ALK: variants seen among roughly 807,000 people sequenced by gnomAD.
ALK encodes the protein ALK tyrosine kinase receptor.
In ALK, 74 loss-of-function variants were observed where a neutral mutation model predicts 163.1. The ratio of observed to expected loss-of-function variants is 0.45; its 90% CI spans 0.38 to 0.55. The LOEUF (loss-of-function observed/expected upper bound fraction) is 0.55, where lower values mean the gene tolerates loss of function less well. Among genes scored for constraint, ALK ranks in the 20% least tolerant of loss-of-function variants. ALK has a pLI of 0.00. For synonymous variants in ALK, 960 were observed against 843.2 expected, an observed-to-expected ratio of 1.14 and a Z score of -2.40; for missense variants, 2,063 against 2,105.3, an observed-to-expected ratio of 0.98 and a Z score of 0.39.
rs2148443625 is a variant in ALK, at chr2:29,920,408, C to G, written c.252G>C (p.Arg84Ser). 6.3e-7 allele frequency: 1 copy of G among 1,585,054 alleles called. No individual in the cohort carries two copies. The highest frequency in any genetic ancestry group is 8.6e-7 in the Non-Finnish European group (1 of 1,166,262). Residue 84 changes from arginine to serine, a missense_variant, in exon 1 of 29, where the codon AGG becomes AGC. By Grantham distance (110) the Arg-to-Ser change is moderately radical. This residue lies in a region of ALK where 987 missense variants were observed against 939.5 expected (regional missense o/e 1.05). Transcript: ENST00000389048. ...PPSSSELKAG[R>S]PEARGSLALD... ...GAGCTAGCGAGCCGCGGGCCTCGGG[C>G]CTGCCAGCCTTCAGCTCCGAGGAGG...
At chr2:29,517,207 G>T (rs1222862336) in intron 4 of ALK, among the ~76,000 whole-genome samples, 1 of 152,108 alleles carries the variant, frequency 6.6e-6, no homozygotes, top group Admixed American at 6.6e-5. Context: ...AGGTTTAGGG[G>T]CAGCACAGAG....
At chr2:29,431,054 A>G (rs1448103221) in intron 4 of ALK, among the ~76,000 whole-genome samples, 3 of 151,772 alleles carry the variant, frequency 2.0e-5, no homozygotes, top group African/African-American at 7.3e-5. Flanking sequence ...TTAGAAACAT[A>G]ATCACTTCCA....
chr2:29,216,310 C>G (rs1158570898), intron 23 of ALK, among the ~76,000 whole-genome samples: 1 of 152,136 alleles, frequency 6.6e-6, no homozygotes, highest in Non-Finnish European at 1.5e-5. Flanking sequence ...GGAGCATGCT[C>G]TCTGTCCCTA....
At chr2:29,416,740 T>A (rs1669887762) in intron 4 of ALK, among the ~76,000 whole-genome samples, 1 of 152,158 alleles carries the variant, frequency 6.6e-6, no homozygotes, top group Non-Finnish European at 1.5e-5. Context: ...ACTACAGTAG[T>A]CAGAGGGATA....
chr2:29,799,723 A>G (rs951101644), intron 1 of ALK, among the ~76,000 whole-genome samples: 8 of 152,216 alleles, frequency 5.3e-5, no homozygotes, highest in Non-Finnish European at 1.2e-4. Flanking sequence ...ACAATATTTT[A>G]AGAGAGAGAA....
intron 4 of ALK, among the ~76,000 whole-genome samples, chr2:29,431,562 G>A (rs761102644): frequency 3.3e-5 from 5 of 152,106 alleles, no homozygotes; most frequent in South Asian, 4.2e-4. Flanking sequence ...TATGCAAACC[G>A]CCTGCTTGTC....
intron 8 of ALK, among the ~76,000 whole-genome samples, chr2:29,299,170 C>T (rs1450165091): frequency 6.6e-6 from 1 of 152,170 alleles, no homozygotes; most frequent in Admixed American, 6.5e-5. Context: ...TCCTTTATAA[C>T]TCTTTGAACT....
At chr2:29,740,577 G>A (rs917911791) in intron 1 of ALK, among the ~76,000 whole-genome samples, 2 of 152,218 alleles carry the variant, frequency 1.3e-5, no homozygotes, top group African/African-American at 4.8e-5. Flanking sequence ...ATTCTGAATG[G>A]TTATGAATAG....
chr2:29,576,037 C>A (rs574443298), intron 3 of ALK, among the ~76,000 whole-genome samples: 2 of 152,270 alleles, frequency 1.3e-5, no homozygotes, highest in East Asian at 1.9e-4. Context: ...TAAGGAAGAA[C>A]CTGCAAGAGC....
chr2:29,251,873 C>G (rs1664823849), intron 11 of ALK, among the ~76,000 whole-genome samples: 2 of 152,178 alleles, frequency 1.3e-5, no homozygotes, highest in African/African-American at 4.8e-5. Context: ...GAGCAGGAAG[C>G]CCTGCACTCC....
chr2:29,749,762 T>A (rs1007967948), intron 1 of ALK, among the ~76,000 whole-genome samples: 1 of 152,190 alleles, frequency 6.6e-6, no homozygotes, highest in African/African-American at 2.4e-5. Context: ...GAACAGCTTA[T>A]CTATAATATA....
chr2:29,632,594 T>C (rs911380733), intron 3 of ALK, among the ~76,000 whole-genome samples: 2 of 152,204 alleles, frequency 1.3e-5, no homozygotes, highest in African/African-American at 4.8e-5. Flanking sequence ...CATGTGAAGA[T>C]GCAGTGAGAA....
intron 3 of ALK, among the ~76,000 whole-genome samples, chr2:29,636,765 T>C (rs1242637546): frequency 2.0e-5 from 3 of 152,140 alleles, no homozygotes; most frequent in Admixed American, 2.0e-4. Context: ...AATATTCAAA[T>C]TAGAAAACAG....
chr2:29,767,278 C>G (rs574143943), intron 1 of ALK, among the ~76,000 whole-genome samples: 158 of 152,298 alleles, frequency 1.0e-3, no homozygotes, highest in African/African-American at 3.5e-3. Flanking sequence ...CAATACCTTC[C>G]TAATGTTTAC....
At chr2:29,453,958 C>T (rs1670885881) in intron 4 of ALK, among the ~76,000 whole-genome samples, 1 of 152,144 alleles carries the variant, frequency 6.6e-6, no homozygotes, top group African/African-American at 2.4e-5. Context: ...TAGTTAATAA[C>T]TTGGATTAAA....
intron 4 of ALK, among the ~76,000 whole-genome samples, chr2:29,446,616 G>A (rs1670690754): frequency 6.6e-6 from 1 of 152,158 alleles, no homozygotes; most frequent in Non-Finnish European, 1.5e-5. Context: ...CCACTGCCAA[G>A]ATCTCCAAGC....
In ALK at chr2:29,228,922, C is replaced by CCG; in HGVS notation, c.2776_2777insCG (p.Gly926AlafsTer14). On this transcript the variant is annotated frameshift_variant, in exon 16 of 29. Transcript: ENST00000389048. LOFTEE classifies it high-confidence loss of function. ...GCCTCCTCCACCTGAGGAGCACCCC[C>CCG]CTCCACCCCCTCCGAAACCCCCTCT... The CCG allele has an allele frequency of 4.7e-6, 7 of 1,501,366 alleles. No homozygotes were observed. Among genetic ancestry groups the CCG allele is most frequent in the Non-Finnish European group, 5.6e-6 (6 of 1,079,402 alleles). 93.0% of individuals were successfully genotyped at this position (1,501,366 alleles called of 1,614,324 possible).
intron 1 of ALK, among the ~76,000 whole-genome samples, chr2:29,850,463 T>TA (rs2148400429): frequency 6.6e-6 from 1 of 152,336 alleles, no homozygotes; most frequent in East Asian, 1.9e-4. Context: ...TATACTTCTA[T>TA]AAAAAGGTTT....
At chr2:29,424,486 G>C (rs192436959) in intron 4 of ALK, among the ~76,000 whole-genome samples, 3 of 152,154 alleles carry the variant, frequency 2.0e-5, no homozygotes, top group Non-Finnish European at 4.4e-5. Context: ...GATTAAAGTT[G>C]TTCTTGTATA....
Sources: allele counts gnomAD v4.1 joint callset (sites outside exome capture counted in the v4.1 genomes callset), GRCh38; gene constraint gnomAD v4.1.1; regional missense constraint gnomAD v4.1.1; transcripts MANE v1.5; gene names NCBI Gene and HGNC (gene_info 2026-07-23, HGNC 2026-07-21).